DPP10: variants seen among roughly 807,000 people sequenced by gnomAD.
DPP10 encodes the protein inactive dipeptidyl peptidase 10.
Under a neutral mutation model 120.9 loss-of-function variants are expected in DPP10, and 33 were observed. The ratio of observed to expected loss-of-function variants is 0.27; its 90% confidence interval spans 0.21 to 0.37. The LOEUF (loss-of-function observed/expected upper bound fraction) is 0.37, where lower values mean the gene tolerates loss of function less well. Among genes scored for constraint, DPP10 ranks in the 10% least tolerant of loss-of-function variants. DPP10 has a pLI of 1.00. For missense variants in DPP10, 816 were observed against 942.8 expected (o/e 0.87, Z 1.76); for synonymous variants, 337 against 326.1 (o/e 1.03, Z -0.36).
chr2:114,625,158 C>G (rs1349918099), intron 1 of DPP10, among the ~76,000 whole-genome samples: 1 of 151,936 alleles, frequency 6.6e-6, no homozygotes, highest in Non-Finnish European at 1.5e-5. Context: ...CTTTCTTGAT[C>G]TTTTCATCTC....
intron 1 of DPP10, among the ~76,000 whole-genome samples, chr2:115,088,151 A>G (rs976514251): frequency 3.3e-5 from 5 of 152,118 alleles, no homozygotes; most frequent in Non-Finnish European, 4.4e-5. Flanking sequence ...CACTAATCCC[A>G]TTCATGAGGG....
intron 1 of DPP10, among the ~76,000 whole-genome samples, chr2:114,560,314 T>C (rs1688665996): frequency 6.6e-6 from 1 of 152,178 alleles, no homozygotes; most frequent in African/African-American, 2.4e-5. Flanking sequence ...TTCTTACCAC[T>C]ATAATTTTTT....
Position 114,524,461 on chromosome 2 carries a change from G to A in DPP10, c.60+81623G>A, listed in dbSNP as rs369561125. 5.1e-4 allele frequency among the ~76,000 whole-genome samples: 78 copies of A among 152,296 alleles called. No homozygotes were observed. In the East Asian group the frequency reaches 9.5e-3, roughly 18 times the overall value. On this transcript the variant is annotated intron_variant, in intron 1 of 25. Coordinates refer to ENST00000410059, the MANE Select transcript of DPP10 (RefSeq NM_020868.6). Reference sequence around the variant, plus strand: ...ATTAAGAATGTTTTCCTGATAGGGAGCTAAAATAATCTTTGAAAATCACAC... The same window carrying A: ...ATTAAGAATGTTTTCCTGATAGGGAACTAAAATAATCTTTGAAAATCACAC...
intron 4 of DPP10, among the ~76,000 whole-genome samples, chr2:115,511,205 C>T (rs2077205407): frequency 6.6e-6 from 1 of 151,946 alleles, no homozygotes; most frequent in Non-Finnish European, 1.5e-5. Flanking sequence ...CTGATGATAC[C>T]ATTATGGCCT....
chr2:114,961,103 G>A (rs1400215273), intron 1 of DPP10, among the ~76,000 whole-genome samples: 8 of 125,266 alleles, frequency 6.4e-5, no homozygotes, highest in African/African-American at 2.1e-4. Flanking sequence ...CCAGGCTGGA[G>A]TGCAATGGCG....
At chr2:114,623,205 A>G (rs1258290255) in intron 1 of DPP10, among the ~76,000 whole-genome samples, 1 of 152,096 alleles carries the variant, frequency 6.6e-6, no homozygotes, top group East Asian at 1.9e-4. Flanking sequence ...TGCACTGAAT[A>G]TTAAATGCAC....
intron 1 of DPP10, among the ~76,000 whole-genome samples, chr2:115,047,882 A>G (rs563388663): frequency 2.6e-5 from 4 of 152,156 alleles, no homozygotes; most frequent in Non-Finnish European, 4.4e-5. Flanking sequence ...TGTGACTTCT[A>G]TCTCTCTATC....
intron 1 of DPP10, among the ~76,000 whole-genome samples, chr2:114,529,884 C>A (rs964285013): frequency 2.0e-5 from 3 of 152,208 alleles, no homozygotes; most frequent in Non-Finnish European, 4.4e-5. Context: ...TTGTTCTCCT[C>A]TATGTGTCCA....
intron 19 of DPP10, among the ~76,000 whole-genome samples, chr2:115,809,463 T>C (rs529578518): frequency 6.6e-6 from 1 of 152,342 alleles, no homozygotes; most frequent in African/African-American, 2.4e-5. Flanking sequence ...GAAGCATAGA[T>C]AGTTGATTAT....
intron 1 of DPP10, among the ~76,000 whole-genome samples, chr2:115,178,585 A>G (rs2053865714): frequency 6.6e-6 from 1 of 152,202 alleles, no homozygotes; most frequent in South Asian, 2.1e-4. Context: ...GATGGTTATT[A>G]TGATATGTAT....
chr2:114,774,141 A>G (rs1400637013), intron 1 of DPP10, among the ~76,000 whole-genome samples: 1 of 152,150 alleles, frequency 6.6e-6, no homozygotes, highest in Non-Finnish European at 1.5e-5. Flanking sequence ...TGTGGGTTGT[A>G]TTCTGTGCCA....
chr2:115,600,071 G>GT (rs1189804733), intron 5 of DPP10, among the ~76,000 whole-genome samples: 1 of 151,852 alleles, frequency 6.6e-6, no homozygotes, highest in Non-Finnish European at 1.5e-5. Flanking sequence ...TTGTTTGTTT[G>GT]TTTTTGTTTT....
At chr2:115,602,064 C>T (rs1014025303) in intron 5 of DPP10, among the ~76,000 whole-genome samples, 1 of 152,132 alleles carries the variant, frequency 6.6e-6, no homozygotes, top group Non-Finnish European at 1.5e-5. Context: ...ATTAAATCAC[C>T]TGTATCTTCT....
intron 3 of DPP10, among the ~76,000 whole-genome samples, chr2:115,385,280 G>A (rs919285786): frequency 2.6e-5 from 4 of 152,056 alleles, no homozygotes; most frequent in South Asian, 2.1e-4. Context: ...CTGAAGAGAG[G>A]CCTCACTGAG....
chr2:114,465,996 C>T (rs533212475), intron 1 of DPP10, among the ~76,000 whole-genome samples: 2 of 152,166 alleles, frequency 1.3e-5, no homozygotes, highest in African/African-American at 4.8e-5. Flanking sequence ...TGCTTCCCCC[C>T]ACCCCTACCT....
At chr2:114,922,462 G>C (rs1027733568) in intron 1 of DPP10, among the ~76,000 whole-genome samples, 7 of 152,118 alleles carry the variant, frequency 4.6e-5, no homozygotes, top group African/African-American at 1.7e-4. Flanking sequence ...ACAGGCATGC[G>C]TAGCCATGCT....
intron 1 of DPP10, among the ~76,000 whole-genome samples, chr2:114,754,079 T>C (rs957068906): frequency 6.6e-6 from 1 of 152,170 alleles, no homozygotes; most frequent in African/African-American, 2.4e-5. Flanking sequence ...AAAATCGCAG[T>C]TCAAACTGGA....
chr2:115,549,641 A>G (rs184255513), intron 5 of DPP10, among the ~76,000 whole-genome samples: 8 of 152,266 alleles, frequency 5.3e-5, no homozygotes, highest in Non-Finnish European at 7.4e-5. Context: ...TTTGATCTCT[A>G]TAGCCAATGT....
intron 3 of DPP10, among the ~76,000 whole-genome samples, chr2:115,354,624 A>G (rs893956657): frequency 1.3e-5 from 2 of 150,908 alleles, no homozygotes; most frequent in African/African-American, 4.9e-5. Context: ...CAGAACGTGC[A>G]GGTTTGTTAC....
Sources: gnomAD v4.1 joint callset for allele counts (sites outside exome capture counted in the v4.1 genomes callset) on GRCh38, gnomAD v4.1.1 for gene constraint, MANE v1.5 for transcripts, NCBI Gene and HGNC (gene_info 2026-07-23, HGNC 2026-07-21) for gene names.